Variants in KNTC1 observed in about 807,000 individuals in gnomAD.
The protein encoded by KNTC1 is kinetochore-associated protein 1.
Under a neutral mutation model 314.4 loss-of-function variants are expected in KNTC1, and 253 were observed. That is an observed-to-expected ratio of 0.80 (90% CI 0.73 to 0.89). The LOEUF (loss-of-function observed/expected upper bound fraction) is 0.89, where lower values mean the gene tolerates loss of function less well. KNTC1 is among the 40% of genes least tolerant of loss of function. The pLI is 0.00. For synonymous variants in KNTC1, 901 were observed against 901.4 expected, an observed-to-expected ratio of 1.00 and a Z score of 0.01; for missense variants, 2,475 against 2,572.9, an observed-to-expected ratio of 0.96 and a Z score of 0.82.
rs144052270 is a variant in KNTC1 at position 122,610,788 on chromosome 12, T to TA, written c.5544-28dup. 11,091 of 1,391,508 alleles carry TA rather than the reference T, an allele frequency of 8.0e-3. 705 individuals are homozygous for TA. The African/African-American group carries it at 0.14, about 17-fold the overall frequency. 86.2% of individuals were successfully genotyped at this position (1,391,508 alleles called of 1,614,324 possible). A position where few individuals can be genotyped will look rare whatever the true frequency, so the allele number is the denominator to read the frequency against. On this transcript the variant is annotated intron_variant, in intron 52 of 63. Coordinates refer to ENST00000333479, the MANE Select transcript of KNTC1 (RefSeq NM_014708.6). ...TTGTTTTGGTAATCCATCACTAAAT[T>TA]AAAAAATGACTGTAATTAAAATTTT...
chr12:122,618,459 T>C, intron 58 of KNTC1, 23 bp from the exon 59 acceptor site: 1 of 1,598,548 alleles, frequency 6.3e-7, no homozygotes, highest in Non-Finnish European at 8.5e-7. Flanking sequence ...TATATCATGG[T>C]TGTTTTTTTG....
At chr12:122,551,857 A>G (rs181555115) in intron 16 of KNTC1, among the ~76,000 whole-genome samples, 161 bp downstream of exon 16, 2 of 152,128 alleles carry the variant, frequency 1.3e-5, no homozygotes. Context: ...AGAGTGACCC[A>G]TAGTTGGGCA....
intron 31 of KNTC1, among the ~76,000 whole-genome samples, chr12:122,578,217 TA>T (rs1277183729): frequency 3.3e-5 from 5 of 152,144 alleles, no homozygotes; most frequent in African/African-American, 1.2e-4. Context: ...AGATGAGGAA[TA>T]CTTGGTTTTT....
At chr12:122,605,437 G>A in intron 51 of KNTC1, 22 bp downstream of exon 51, 2 of 1,246,752 alleles carry the variant, frequency 1.6e-6, no homozygotes, top group Non-Finnish European at 2.3e-6. Context: ...CTGCCCAAGA[G>A]TATCTGTAGT....
chr12:122,556,427 C>T (rs1290673213), intron 16 of KNTC1, among the ~76,000 whole-genome samples: 2 of 151,976 alleles, frequency 1.3e-5, no homozygotes, highest in Non-Finnish European at 2.9e-5. Flanking sequence ...ATCTCTGACA[C>T]CTCTGTATCC....
rs1004047217 is a variant in KNTC1 at position 122,538,342 on chromosome 12, C to G, written c.254C>G (p.Thr85Ser). Reference protein sequence around the residue: ...RSLQLHLVFDTEVDVVGLCQE... With the variant: ...RSLQLHLVFDSEVDVVGLCQE... ...AACTTTGATTTGAAATTTTCAGATA[C>G]TGAAGTGGATGTAGTTGGCCTTTGT... Residue 85 changes from threonine to serine, a missense_variant, in exon 4 of 64, where the codon ACT (threonine) becomes AGT (serine). By Grantham distance (58) the Thr-to-Ser change is moderately conservative. Transcript: ENST00000333479. 7 of 1,565,612 alleles carry G rather than the reference C, an allele frequency of 4.5e-6. No homozygotes were observed. Among genetic ancestry groups the G allele is most frequent in the African/African-American group, 1.4e-5 (1 of 73,740 alleles).
At chr12:122,614,189 T>C (rs1873500341) in intron 55 of KNTC1, among the ~76,000 whole-genome samples, 2 of 152,166 alleles carry the variant, frequency 1.3e-5, no homozygotes, top group South Asian at 4.1e-4. Flanking sequence ...TACTCTCCTG[T>C]CACAGCGTGT....
chr12:122,582,568 C>T, intron 33 of KNTC1, 137 bp from the exon 34 acceptor site: 1 of 728,062 alleles, frequency 1.4e-6, no homozygotes, highest in Non-Finnish European at 2.2e-6. Context: ...ACAATATACC[C>T]AGGTGAGAAG....
At chr12:122,626,161 CTAAG>C (rs775394480) in intron 63 of KNTC1, 40 bp from the exon 64 acceptor site, 21 of 1,420,062 alleles carry the variant, frequency 1.5e-5, no homozygotes, top group Non-Finnish European at 2.0e-5. Context: ...ATTTGAAAAA[CTAAG>C]TGACTTATAA....
chr12:122,600,488 T>G (rs1161897156), intron 44 of KNTC1, among the ~76,000 whole-genome samples: 1 of 152,216 alleles, frequency 6.6e-6, no homozygotes, highest in East Asian at 1.9e-4. Flanking sequence ...AACAGAATCC[T>G]TTGAGAAACT....
intron 62 of KNTC1, among the ~76,000 whole-genome samples, chr12:122,623,829 G>A (rs908781023): frequency 3.3e-5 from 5 of 152,168 alleles, no homozygotes; most frequent in African/African-American, 1.2e-4. Flanking sequence ...CACTTTGGGA[G>A]GCCGAGGCGG....
rs542550396 is a variant in KNTC1, at chr12:122,590,696, G to A, written c.4089G>A (p.Lys1363=). Residue 1363 remains lysine (K), a synonymous_variant, in exon 41 of 64, where the codon AAG becomes AAA. Transcript: ENST00000333479. ...AAGATGTGTTTGAAAATCTCTGGAA[G>A]CTCATAGATAAAGCATGGCAGAATT... ...PQKDVFENLW[K]LIDKAWQNYD... 3.7e-6 allele frequency: 6 copies of A among 1,613,458 alleles called. No individual in the cohort carries two copies. The African/African-American group carries it at 6.7e-5, about 18-fold the overall frequency.
At chr12:122,549,202 A>AC (rs1230572453) in intron 12 of KNTC1, among the ~76,000 whole-genome samples, 1 of 151,064 alleles carries the variant, frequency 6.6e-6, no homozygotes, top group Non-Finnish European at 1.5e-5. Context: ...ACAGATGTGC[A>AC]CCACTATGTT....
Position 122,542,030 on chromosome 12 carries a change from T to G in KNTC1, c.446-20T>G. 6.7e-7 allele frequency: 1 copy of G among 1,502,890 alleles called. No individual in the cohort carries two copies. The highest frequency in any genetic ancestry group is 8.9e-7 in the Non-Finnish European group (1 of 1,121,042). The allele number at this position is 1,502,890 out of a possible 1,614,324, so 93.1% of individuals were successfully genotyped here. A position where few individuals can be genotyped will look rare whatever the true frequency, so the allele number is the denominator to read the frequency against. On this transcript the variant is annotated intron_variant, in intron 5 of 63. Coordinates refer to ENST00000333479, the MANE Select transcript of KNTC1 (RefSeq NM_014708.6). ...CTCCATCTCAAAAAAAAGAAACTGA[T>G]TCTGATTTTATTTCAATAGGTACCT...
At chr12:122,605,701 A>C (rs1872513114) in intron 51 of KNTC1, among the ~76,000 whole-genome samples, 1 of 151,798 alleles carries the variant, frequency 6.6e-6, no homozygotes, top group South Asian at 2.1e-4. Flanking sequence ...GCCTGCTACC[A>C]CACCCGGCTG....
intron 44 of KNTC1, among the ~76,000 whole-genome samples, chr12:122,598,620 C>G (rs1294917167): frequency 4.6e-5 from 7 of 151,588 alleles, no homozygotes; most frequent in Admixed American, 1.3e-4. Context: ...GGAATTTCAC[C>G]GTGTTGTCCA....
At chr12:122,554,541 T>A (rs915850906) in intron 16 of KNTC1, among the ~76,000 whole-genome samples, 2 of 152,176 alleles carry the variant, frequency 1.3e-5, no homozygotes, top group Admixed American at 1.3e-4. Context: ...ATTGGTAACA[T>A]CTGCTTTATT....
Position 122,573,205 on chromosome 12 carries a change from T to G in KNTC1, c.2203T>G (p.Ser735Ala), listed in dbSNP as rs1964809726. The change falls in exon 26 of 64, where the codon TCC becomes GCC. Residue 735 changes from serine to alanine, a missense_variant. Physicochemically the swap from Ser to Ala is moderately conservative, Grantham distance 99. Coordinates refer to ENST00000333479, the MANE Select transcript of KNTC1 (RefSeq NM_014708.6). The part of the protein sequence containing the change: ...DKVLAPELIP[S>A]ILEKFIRVYM... ...AGTGCTGGCCCCAGAGCTTATTCCC[T>G]CCATCTTAGAGAAGTTTATAAGAGT... The G allele has an allele frequency of 6.2e-7, 1 of 1,613,912 alleles. No individual in the cohort carries two copies. Among genetic ancestry groups the G allele is most frequent in the Non-Finnish European group, 8.5e-7 (1 of 1,179,806 alleles).
intron 44 of KNTC1, among the ~76,000 whole-genome samples, chr12:122,600,465 T>C (rs1871708792): frequency 6.6e-6 from 1 of 152,172 alleles, no homozygotes; most frequent in African/African-American, 2.4e-5. Context: ...CTATAGTATA[T>C]AGTTAGAGCT....
Sources: allele counts gnomAD v4.1 joint callset (sites outside exome capture counted in the v4.1 genomes callset), GRCh38; gene constraint gnomAD v4.1.1; transcripts MANE v1.5; gene names NCBI Gene and HGNC (gene_info 2026-07-23, HGNC 2026-07-21).